Variants in PRR12 observed in about 807,000 individuals in gnomAD.
PRR12 encodes proline rich 12, also known as proline-rich protein 12.
In PRR12, 12 loss-of-function variants were observed where a neutral mutation model predicts 138.0. That is an observed-to-expected ratio of 0.09 (90% confidence interval 0.06 to 0.14). The LOEUF (loss-of-function observed/expected upper bound fraction) is 0.14, where lower values mean the gene tolerates loss of function less well. Ranked by LOEUF, PRR12 falls within the 10% of genes least tolerant of loss-of-function variation. The pLI is 1.00. For missense variants in PRR12, 2,692 were observed against 2,861.3 expected (o/e 0.94, Z 1.35); for synonymous variants, 1,567 against 1,291.7 (o/e 1.21, Z -4.57).
intron 6 of PRR12, among the ~76,000 whole-genome samples, chr19:49,608,247 C>G (rs765487226): frequency 4.0e-5 from 6 of 151,896 alleles, no homozygotes; most frequent in Non-Finnish European, 7.4e-5. Context: ...CCCAGCACTT[C>G]GGGAGGCTGA....
chr19:49,593,393 G>A lies in PRR12; in HGVS notation c.153G>A (p.Ala51=). ...ETDILHRQAY[A]APHPLQSYAT... is the part of the protein sequence containing the mutation. ...ACATCTTACACCGCCAGGCCTATGCGGCCCCCCACCCACTGCAAAGCTATG... is the reference window on the plus strand; with the variant it reads ...ACATCTTACACCGCCAGGCCTATGCAGCCCCCCACCCACTGCAAAGCTATG... The change falls in exon 2 of 14, where the codon GCG becomes GCA. Residue 51 remains alanine (A), a synonymous_variant. Coordinates refer to ENST00000418929, the MANE Select transcript of PRR12 (RefSeq NM_020719.3). 6.2e-7 allele frequency: 1 copy of A among 1,607,808 alleles called. No homozygotes were observed. Among genetic ancestry groups the A allele is most frequent in the Non-Finnish European group, 8.5e-7 (1 of 1,177,734 alleles).
chr19:49,610,778 C>T (rs1387309266), intron 6 of PRR12, among the ~76,000 whole-genome samples: 2 of 151,318 alleles, frequency 1.3e-5, no homozygotes, highest in Middle Eastern at 3.2e-3. Context: ...CTCCTGACCT[C>T]GTGATCCGCC....
Position 49,597,686 on chromosome 19 carries a change from C to T in PRR12, c.3351C>T (p.Asn1117=), listed in dbSNP as rs2080783466. Residue 1117 remains asparagine (N), a synonymous_variant, in exon 4 of 14, where the codon AAC becomes AAT. Transcript: ENST00000418929. This position sits in a 1 kb window ranked among gnomAD's most constrained non-coding sequence, Gnocchi z 6.3. ...KADVPADIRL[N]PRRLPDLVSS... ...ATGTTCCCGCCGACATCCGCCTCAA[C>T]CCCCGGCGCTTGCCTGACCTGGTCT... is the stretch of plus-strand genomic sequence containing the variant. The T allele has an allele frequency of 1.2e-6, 2 of 1,606,362 alleles. No homozygotes were observed. The highest frequency in any genetic ancestry group is 2.2e-5 in the East Asian group (1 of 44,598).
chr19:49,599,155 G>A lies in PRR12; in HGVS notation c.3679-117G>A, dbSNP rs565044515. On this transcript the variant is annotated intron_variant, in intron 4 of 13. Coordinates refer to ENST00000418929, the MANE Select transcript of PRR12 (RefSeq NM_020719.3). The surrounding 1 kb of genome is among the most constrained non-coding windows in gnomAD (Gnocchi z 5.0). ...TCTAAGACAAGGGGTCTGCAGGTTT[G>A]AATTCTATAAATTCACAGGCTGAGC... The A allele has an allele frequency of 1.9e-6, 2 of 1,030,488 alleles. No individual in the cohort carries two copies. The highest frequency in any genetic ancestry group is 1.6e-5 in the African/African-American group (1 of 61,722). The allele number at this position is 1,030,488 out of a possible 1,614,324, so 63.8% of individuals were successfully genotyped here.
At chr19:49,623,994 T>TA (rs2080939767) in intron 11 of PRR12, among the ~76,000 whole-genome samples, 1 of 146,506 alleles carries the variant, frequency 6.8e-6, no homozygotes, top group African/African-American at 2.6e-5. Context: ...AATTCTGGGG[T>TA]GGGTGGTTAG....
Position 49,594,675 on chromosome 19 carries a change from G to T in PRR12, c.362-22G>T. 6.2e-7 allele frequency: 1 copy of T among 1,609,960 alleles called. No individual in the cohort carries two copies. The highest frequency in any genetic ancestry group is 8.5e-7 in the Non-Finnish European group (1 of 1,179,282). On this transcript the variant is annotated intron_variant, in intron 3 of 13. Transcript: ENST00000418929. The surrounding 1 kb of genome is among the most constrained non-coding windows in gnomAD (Gnocchi z 5.6). ...GGACTGGCTCGCTGTTCTCTCTGAC[G>T]CGCGGTCTTCCTCATCTCCAGCCAT...
Position 49,596,861 on chromosome 19 carries a change from TCCA to T in PRR12, c.2532_2534del (p.Pro845del). ...AGCCACCTCCACCGCCACCCCCGCCTCCACCACCCATGCCCCTGCAGCTCGAGG... is the reference window on the plus strand; with the variant it reads ...AGCCACCTCCACCGCCACCCCCGCCTCCACCCATGCCCCTGCAGCTCGAGG... On this transcript the variant is annotated inframe_deletion, in exon 4 of 14. Transcript: ENST00000418929. This position sits in a 1 kb window ranked among gnomAD's most constrained non-coding sequence, Gnocchi z 5.6. 1.2e-6 allele frequency: 1 copy of T among 851,548 alleles called. No homozygotes were observed. Among genetic ancestry groups the T allele is most frequent in the Non-Finnish European group, 1.7e-6 (1 of 594,050 alleles). 52.7% of individuals were successfully genotyped at this position (851,548 alleles called of 1,614,324 possible).
At chr19:49,618,120 T>C (rs1195860032) in intron 9 of PRR12, among the ~76,000 whole-genome samples, 1 of 152,108 alleles carries the variant, frequency 6.6e-6, no homozygotes, top group Middle Eastern at 3.2e-3. Context: ...AACGAACGAA[T>C]GAATGAATGG....
rs1230574322 is a variant in PRR12 at position 49,615,767 on chromosome 19, A to G, written c.5045A>G (p.Asn1682Ser). 6.2e-7 allele frequency: 1 copy of G among 1,612,086 alleles called. No individual in the cohort carries two copies. The highest frequency in any genetic ancestry group is 1.7e-5 in the Admixed American group (1 of 59,762). ...TCTAGACGCTCTGGGCAGGCCAAGA[A>G]CCCCGTATCTGCTGGGGGTAGCTCT... ...VPVRRSGQAKNPVSAGGSSAP... is the reference protein window; with the variant it reads ...VPVRRSGQAKSPVSAGGSSAP... The change falls in exon 9 of 14, where the codon AAC becomes AGC. Residue 1682 changes from asparagine to serine, a missense_variant. By Grantham distance (46) the Asn-to-Ser change is conservative (BLOSUM62 1). Coordinates refer to ENST00000418929, the MANE Select transcript of PRR12 (RefSeq NM_020719.3).
chr19:49,595,222 C>A lies in PRR12; in HGVS notation c.887C>A (p.Ala296Asp). ...DTVIKHYQRP[A>D]SAQPPPPPPP... is the part of the protein sequence containing the mutation. The stretch of plus-strand genomic sequence containing the variant: ...GTCATCAAGCACTACCAGCGGCCAG[C>A]CAGTGCCCAGCCCCCACCACCCCCG... Residue 296 changes from alanine to aspartate, a missense_variant, in exon 4 of 14, where the codon GCC becomes GAC. Coordinates refer to ENST00000418929, the MANE Select transcript of PRR12 (RefSeq NM_020719.3). 6.4e-7 allele frequency: 1 copy of A among 1,561,430 alleles called. No individual in the cohort carries two copies. Among genetic ancestry groups the A allele is most frequent in the Non-Finnish European group, 8.7e-7 (1 of 1,155,974 alleles).
rs1178259238 is a variant in PRR12 at position 49,596,953 on chromosome 19, G to A, written c.2618G>A (p.Ser873Asn). The change falls in exon 4 of 14, where the codon AGC becomes AAC. Residue 873 changes from serine to asparagine, a missense_variant. By Grantham distance (46) the Ser-to-Asn change is conservative. Around this residue, in one of 11 missense-constraint regions of PRR12, gnomAD observed 840 missense variants for 689.8 expected, o/e 1.22. Coordinates refer to ENST00000418929, the MANE Select transcript of PRR12 (RefSeq NM_020719.3). This position sits in a 1 kb window ranked among gnomAD's most constrained non-coding sequence, Gnocchi z 5.6. Reference sequence around the variant, plus strand: ...AGCCCCCGCCTGCGACCCGAGGAGAGCCTGGATCCGCCAGGCGCCATGCAG... The same window carrying A: ...AGCCCCCGCCTGCGACCCGAGGAGAACCTGGATCCGCCAGGCGCCATGCAG... Reference protein sequence around the residue: ...APSPRLRPEESLDPPGAMQEL... With the variant: ...APSPRLRPEENLDPPGAMQEL... 6 of 1,551,144 alleles carry A rather than the reference G, an allele frequency of 3.9e-6. No individual in the cohort carries two copies. The highest frequency in any genetic ancestry group is 2.4e-5 in the East Asian group (1 of 41,402).
intron 6 of PRR12, among the ~76,000 whole-genome samples, chr19:49,604,270 A>G (rs1048830824): frequency 4.0e-5 from 6 of 151,464 alleles, no homozygotes; most frequent in African/African-American, 1.5e-4. Flanking sequence ...TGAGAGACTG[A>G]GGTGAGAGGC....
At position 49,620,502 on chromosome 19, in the gene PRR12, G is replaced by A. The variant is rs114010839; in HGVS notation, c.5623+25G>A. 1,883 of 1,549,246 alleles carry A rather than the reference G, an allele frequency of 1.2e-3. 13 individuals are homozygous for A. The highest frequency in any genetic ancestry group is 1.3e-3 in the Non-Finnish European group (1,466 of 1,145,302). Reference sequence around the variant, plus strand: ...GGTGAGCTGAGGCCTGGGGAGGAGGGGGGGGGGCTGACTCGGTCTGAGGGA... The same window carrying A: ...GGTGAGCTGAGGCCTGGGGAGGAGGAGGGGGGGCTGACTCGGTCTGAGGGA... On this transcript the variant is annotated intron_variant, in intron 10 of 13. Coordinates refer to ENST00000418929, the MANE Select transcript of PRR12 (RefSeq NM_020719.3).
At position 49,595,252 on chromosome 19, in the gene PRR12, C is replaced by G. The variant is rs778288170; in HGVS notation, c.917C>G (p.Pro306Arg). The G allele has an allele frequency of 6.5e-7, 1 of 1,543,824 alleles. No individual in the cohort carries two copies. The highest frequency in any genetic ancestry group is 1.4e-5 in the African/African-American group (1 of 72,932). The change falls in exon 4 of 14, where the codon CCA (proline) becomes CGA (arginine). Residue 306 changes from proline to arginine, a missense_variant. This residue lies in a region of PRR12 where 523 missense variants were observed against 496.4 expected (regional missense o/e 1.05). Coordinates refer to ENST00000418929, the MANE Select transcript of PRR12 (RefSeq NM_020719.3). ...ASAQPPPPPP[P>R]AHALQHYLSC... Reference sequence around the variant, plus strand: ...GCCCAGCCCCCACCACCCCCGCCACCAGCCCATGCGCTCCAGCACTATCTG... The same window carrying G: ...GCCCAGCCCCCACCACCCCCGCCACGAGCCCATGCGCTCCAGCACTATCTG...
chr19:49,591,186 C>A lies in PRR12; in HGVS notation c.-469C>A, dbSNP rs1288938568. Among the ~76,000 whole-genome samples the A allele has an allele frequency of 6.8e-6, 1 of 147,828 alleles. No individual in the cohort carries two copies. The highest frequency in any genetic ancestry group is 6.7e-5 in the Admixed American group (1 of 14,972). On this transcript the variant is annotated 5_prime_UTR_variant, in exon 1 of 14. Coordinates refer to ENST00000418929, the MANE Select transcript of PRR12 (RefSeq NM_020719.3). ...CGCCCGCCCCCCCTTCCCCTCCCCC[C>A]TCCCCCAGCCGCCTTGTGCAAAGAT...
chr19:49,604,829 A>T (rs1803839571), intron 6 of PRR12, among the ~76,000 whole-genome samples: 1 of 152,150 alleles, frequency 6.6e-6, no homozygotes, highest in African/African-American at 2.4e-5. Flanking sequence ...CACACAGGTT[A>T]AAAAGTCCTT....
chr19:49,620,718 G>A (rs2080917639), intron 10 of PRR12, among the ~76,000 whole-genome samples: 1 of 148,334 alleles, frequency 6.7e-6, no homozygotes, highest in Non-Finnish European at 1.5e-5. Context: ...GGACTCCTGG[G>A]TCTGAGGGAG....
At chr19:49,609,104 A>T (rs950848957) in intron 6 of PRR12, among the ~76,000 whole-genome samples, 2 of 152,184 alleles carry the variant, frequency 1.3e-5, no homozygotes, top group Non-Finnish European at 2.9e-5. Context: ...GCTTGCGCTC[A>T]GGAGTTCAAC....
chr19:49,596,932 C>A lies in PRR12; in HGVS notation c.2597C>A (p.Pro866His). 6.5e-7 allele frequency: 1 copy of A among 1,549,242 alleles called. No individual in the cohort carries two copies. Among genetic ancestry groups the A allele is most frequent in the Non-Finnish European group, 8.7e-7 (1 of 1,153,546 alleles). ...GGCCTGGAGCCCGCGGCCCCCAGCC[C>A]CCGCCTGCGACCCGAGGAGAGCCTG... Reference protein sequence around the residue: ...SHGLEPAAPSPRLRPEESLDP... With the variant: ...SHGLEPAAPSHRLRPEESLDP... Residue 866 changes from proline (P) to histidine (H), a missense_variant, in exon 4 of 14, where the codon CCC becomes CAC. This residue lies in a region of PRR12 where 840 missense variants were observed against 689.8 expected (regional missense o/e 1.22). Coordinates refer to ENST00000418929, the MANE Select transcript of PRR12 (RefSeq NM_020719.3). This position sits in a 1 kb window ranked among gnomAD's most constrained non-coding sequence, Gnocchi z 5.6.
Sources: gnomAD v4.1 joint callset for allele counts (sites outside exome capture counted in the v4.1 genomes callset) on GRCh38, gnomAD v4.1.1 for gene constraint, gnomAD v4.1.1 regional missense constraint, Gnocchi (gnomAD v3.1) non-coding constraint, MANE v1.5 for transcripts, NCBI Gene and HGNC (gene_info 2026-07-23, HGNC 2026-07-21) for gene names.